The following GALNT13 variants were observed in gnomAD, a reference collection of about 807,000 sequenced individuals.
GALNT13 encodes polypeptide N-acetylgalactosaminyltransferase 13.
GALNT13 carries 28 observed loss-of-function variants against 64.2 expected under a neutral mutation model. The ratio of observed to expected loss-of-function variants is 0.44; its 90% CI spans 0.32 to 0.60. GALNT13 has a LOEUF of 0.60. GALNT13 is among the 20% of genes least tolerant of loss of function. The pLI is 0.05. For synonymous variants in GALNT13, 214 were observed against 224.6 expected (o/e 0.95, Z 0.42); for missense variants, 577 against 669.8 (o/e 0.86, Z 1.53).
chr2:153,656,201 G>A, the GALNT13 span, among the ~76,000 whole-genome samples: 2 of 152,184 alleles, frequency 1.3e-5, no homozygotes, highest in African/African-American at 4.8e-5. Context: ...GTCAGATAAT[G>A]AGGAATAAAG....
the GALNT13 span, among the ~76,000 whole-genome samples, chr2:153,733,807 A>G: frequency 6.6e-6 from 1 of 152,200 alleles, no homozygotes; most frequent in Non-Finnish European, 1.5e-5. Context: ...AATCTAAGTC[A>G]AATAATTTTG....
chr2:153,758,076 T>C, the GALNT13 span, among the ~76,000 whole-genome samples: 1 of 152,172 alleles, frequency 6.6e-6, no homozygotes, highest in Non-Finnish European at 1.5e-5. Flanking sequence ...TGTATAGTTT[T>C]CCCCTGTTCT....
chr2:153,971,263 C>T (rs1693720128), intron 3 of GALNT13, among the ~76,000 whole-genome samples: 1 of 152,084 alleles, frequency 6.6e-6, no homozygotes, highest in African/African-American at 2.4e-5. Context: ...AAATTGTTCC[C>T]CATCTCTACA....
chr2:153,774,641 A>T, the GALNT13 span, among the ~76,000 whole-genome samples: 1 of 152,018 alleles, frequency 6.6e-6, no homozygotes, highest in African/African-American at 2.4e-5. Context: ...CACACCTGTA[A>T]TCATAGAAGT....
chr2:153,543,456 A>T, the GALNT13 span, among the ~76,000 whole-genome samples: 1 of 152,254 alleles, frequency 6.6e-6, no homozygotes, highest in African/African-American at 2.4e-5. Context: ...ATAAACCTTT[A>T]TTAAAGCATT....
the GALNT13 span, among the ~76,000 whole-genome samples, chr2:153,750,737 TGTCAATTTTG>T: frequency 6.6e-6 from 1 of 151,852 alleles, no homozygotes; most frequent in East Asian, 1.9e-4. Context: ...GGCTAAAGTT[TGTCAATTTTG>T]TTTAATTTTT....
chr2:154,064,563 G>C (rs1448122693), intron 3 of GALNT13, among the ~76,000 whole-genome samples: 1 of 152,030 alleles, frequency 6.6e-6, no homozygotes, highest in Non-Finnish European at 1.5e-5. Context: ...CTACAGCACT[G>C]GGCAGAGTCA....
chr2:153,211,134 C>CT, the GALNT13 span, among the ~76,000 whole-genome samples: 19,456 of 147,676 alleles, frequency 0.13, 1,581 homozygotes, highest in Non-Finnish European at 0.19. Flanking sequence ...ATTGACAAAC[C>CT]TTTTTTTTTT....
At chr2:153,181,669 CTATT>C in the GALNT13 span, among the ~76,000 whole-genome samples, 1 of 143,034 alleles carries the variant, frequency 7.0e-6, no homozygotes, top group Non-Finnish European at 1.5e-5. Context: ...TTATATAATT[CTATT>C]TATGTAAATA....
the GALNT13 span, among the ~76,000 whole-genome samples, chr2:153,183,835 T>C: frequency 1.3e-5 from 2 of 152,340 alleles, no homozygotes; most frequent in East Asian, 1.9e-4. Context: ...TATGTGTCTG[T>C]TCTTGTACCA....
At chr2:154,119,072 A>G (rs1353643986) in intron 3 of GALNT13, among the ~76,000 whole-genome samples, 1 of 152,090 alleles carries the variant, frequency 6.6e-6, no homozygotes. Flanking sequence ...TATTGTTGCA[A>G]TTTAAATATT....
the GALNT13 span, among the ~76,000 whole-genome samples, chr2:153,856,087 G>A: frequency 6.6e-6 from 1 of 152,032 alleles, no homozygotes; most frequent in South Asian, 2.1e-4. Flanking sequence ...ATATAGGGAG[G>A]GATTACAGAT....
intron 4 of GALNT13, among the ~76,000 whole-genome samples, chr2:154,145,120 A>ATACG (rs1491543149): frequency 3.2e-5 from 4 of 126,118 alleles, no homozygotes; most frequent in African/African-American, 1.2e-4. Context: ...ATATATATAT[A>ATACG]CACACACTAA....
At chr2:153,424,158 G>T in the GALNT13 span, among the ~76,000 whole-genome samples, 1 of 149,970 alleles carries the variant, frequency 6.7e-6, no homozygotes, top group Non-Finnish European at 1.5e-5. Context: ...AATGATTCTG[G>T]GTCAATTGGC....
At chr2:153,990,165 A>G (rs1574277790) in intron 3 of GALNT13, among the ~76,000 whole-genome samples, 1 of 152,158 alleles carries the variant, frequency 6.6e-6, no homozygotes, top group South Asian at 2.1e-4. Context: ...GATGTGAAAA[A>G]TTAAGGCCTG....
At chr2:154,134,602 C>G (rs1295983991) in intron 3 of GALNT13, among the ~76,000 whole-genome samples, 1 of 152,076 alleles carries the variant, frequency 6.6e-6, no homozygotes, top group Non-Finnish European at 1.5e-5. Flanking sequence ...GATGGTATAT[C>G]CAAACTTTGG....
chr2:154,295,373 T>TTTA (rs1692862649), intron 8 of GALNT13, among the ~76,000 whole-genome samples: 1 of 150,766 alleles, frequency 6.6e-6, no homozygotes, highest in Non-Finnish European at 1.5e-5. Flanking sequence ...TATTTATTTA[T>TTTA]TTATTTTTGC....
At chr2:153,881,320 T>C (rs1686769908) in intron 1 of GALNT13, among the ~76,000 whole-genome samples, 1 of 152,220 alleles carries the variant, frequency 6.6e-6, no homozygotes, top group Admixed American at 6.5e-5. Context: ...CAAAAATCAT[T>C]GTGATATTGA....
intron 9 of GALNT13, among the ~76,000 whole-genome samples, chr2:154,377,527 C>A (rs936957078): frequency 6.6e-6 from 1 of 152,090 alleles, no homozygotes; most frequent in Non-Finnish European, 1.5e-5. Flanking sequence ...AAGGAAGAAC[C>A]GCTCATAGGC....
Sources: gnomAD v4.1 joint callset for allele counts (sites outside exome capture counted in the v4.1 genomes callset) on GRCh38, gnomAD v4.1.1 for gene constraint, MANE v1.5 for transcripts, NCBI Gene and HGNC (gene_info 2026-07-23, HGNC 2026-07-21) for gene names.